SON: variants seen among roughly 807,000 people sequenced by gnomAD.
SON encodes protein SON.
A neutral mutation model predicts 173.3 loss-of-function variants in SON; 4 were observed. That is an observed-to-expected ratio of 0.02 (90% CI 0.01 to 0.05). The LOEUF is 0.05. Ranked by LOEUF, SON falls within the 10% of genes least tolerant of loss-of-function variation. The pLI is 1.00. For synonymous variants in SON, 1,190 were observed against 1,105.9 expected (o/e 1.08, Z -1.51); for missense variants, 2,626 against 3,055.3 (o/e 0.86, Z 3.31).
chr21:33,567,757 A>G (rs2145870159), intron 7 of SON, among the ~76,000 whole-genome samples: 1 of 152,260 alleles, frequency 6.6e-6, no homozygotes, highest in African/African-American at 2.4e-5. Flanking sequence ...TACTAAAAAT[A>G]CAAAAATTAG....
chr21:33,569,523 T>A (rs1029461715), intron 8 of SON: 4 of 387,540 alleles, frequency 1.0e-5, no homozygotes, highest in African/African-American at 6.5e-5. Flanking sequence ...CTCTACCACC[T>A]TAATTTTCCA....
rs1487314985 is a variant in SON, at chr21:33,569,092, A to G, written c.6885+5A>G. 4.0e-6 allele frequency: 6 copies of G among 1,504,814 alleles called. No individual in the cohort carries two copies. Among genetic ancestry groups the G allele is most frequent in the African/African-American group, 1.4e-5 (1 of 72,792 alleles). The allele number at this position is 1,504,814 out of a possible 1,614,324, so 93.2% of individuals were successfully genotyped here. A position where few individuals can be genotyped will look rare whatever the true frequency, so the allele number is the denominator to read the frequency against. ...GCCCAAGCCTGGATTAAAAAGGTAC[A>G]CAGTATATGCACATATGAAAGTGTC... On this transcript the variant is annotated splice_donor_5th_base_variant and intron_variant, in intron 8 of 11. Coordinates refer to ENST00000356577, the MANE Select transcript of SON (RefSeq NM_138927.4).
At position 33,550,239 on chromosome 21, in the gene SON, G is replaced by A. The variant is rs748471391; in HGVS notation, c.1008G>A (p.Ala336=). 9 of 1,614,232 alleles carry A rather than the reference G, an allele frequency of 5.6e-6. No individual in the cohort carries two copies. The highest frequency in any genetic ancestry group is 5.0e-5 in the Admixed American group (3 of 60,022). Residue 336 remains alanine, a synonymous_variant, in exon 3 of 12, where the codon GCG becomes GCA. Coordinates refer to ENST00000356577, the MANE Select transcript of SON (RefSeq NM_138927.4). The stretch of plus-strand genomic sequence containing the variant: ...TTCCAGAGTCATCTGCAATTGAAGC[G>A]CTAAGATTGCCAGAGCAGCCTGTAG... ...MDFPESSAIE[A]LRLPEQPVDV... is the part of the protein sequence containing the mutation.
Position 33,551,211 on chromosome 21 carries a change from A to G in SON, c.1980A>G (p.Thr660=). The part of the protein sequence containing the change: ...ALEISVQSVV[T]TSELSTMTVS... ...AGATCTCTGTTCAGTCTGTGGTGAC[A>G]ACATCGGAGCTGTCAACGATGACCG... The change falls in exon 3 of 12, where the codon ACA becomes ACG. Residue 660 remains threonine (T), a synonymous_variant. Coordinates refer to ENST00000356577, the MANE Select transcript of SON (RefSeq NM_138927.4). 6.2e-7 allele frequency: 1 copy of G among 1,614,072 alleles called. No homozygotes were observed. The highest frequency in any genetic ancestry group is 8.5e-7 in the Non-Finnish European group (1 of 1,179,960).
At chr21:33,561,522 A>G (rs2086070365) in intron 6 of SON, among the ~76,000 whole-genome samples, 1 of 152,220 alleles carries the variant, frequency 6.6e-6, no homozygotes, top group Non-Finnish European at 1.5e-5. Context: ...CAGAATTCCA[A>G]GGGATCTTCC....
chr21:33,556,526 A>G (rs1247726731), intron 3 of SON, among the ~76,000 whole-genome samples: 1 of 152,062 alleles, frequency 6.6e-6, no homozygotes, highest in African/African-American at 2.4e-5. Context: ...CAGCCTGGCC[A>G]ATGTGGAGAA....
intron 8 of SON, chr21:33,572,749 T>A (rs2086311726): frequency 2.4e-6 from 1 of 421,398 alleles, no homozygotes; most frequent in African/African-American, 2.1e-5. Context: ...TTCTATTTGT[T>A]ACTGTGTAAA....
intron 6 of SON, among the ~76,000 whole-genome samples, chr21:33,561,289 A>AAG (rs2086066657): frequency 1.3e-5 from 2 of 152,172 alleles, no homozygotes; most frequent in Non-Finnish European, 2.9e-5. Flanking sequence ...TGCATATCTC[A>AAG]AGAGAGAAAG....
At chr21:33,574,529 G>C (rs1470435153) in intron 9 of SON, among the ~76,000 whole-genome samples, 2 of 152,178 alleles carry the variant, frequency 1.3e-5, no homozygotes, top group Non-Finnish European at 2.9e-5. Context: ...GTAACATACA[G>C]GATGAGCATC....
At chr21:33,555,840 T>C (rs1463755323) in intron 3 of SON, among the ~76,000 whole-genome samples, 1 of 152,212 alleles carries the variant, frequency 6.6e-6, no homozygotes. Flanking sequence ...GACTGTTAAA[T>C]GAAGGTAATT....
intron 6 of SON, chr21:33,560,014 T>C: frequency 6.2e-7 from 1 of 1,614,218 alleles, no homozygotes; most frequent in Non-Finnish European, 8.5e-7. Context: ...AGAACAGTGT[T>C]ATCACATCCC....
intron 3 of SON, among the ~76,000 whole-genome samples, chr21:33,556,675 C>T (rs1011808187): frequency 4.8e-5 from 7 of 145,274 alleles, no homozygotes; most frequent in Admixed American, 3.5e-4. Flanking sequence ...GATGGCGCCA[C>T]TGCACTGCAG....
chr21:33,560,212 G>A, intron 6 of SON: 1 of 1,533,148 alleles, frequency 6.5e-7, no homozygotes, highest in Non-Finnish European at 8.7e-7. Context: ...AAAGGTCATT[G>A]TAGGTTGATG....
At chr21:33,561,844 T>C (rs2086076199) in intron 6 of SON, among the ~76,000 whole-genome samples, 1 of 152,244 alleles carries the variant, frequency 6.6e-6, no homozygotes, top group African/African-American at 2.4e-5. Flanking sequence ...AAATTTTTTT[T>C]CTTACCAAAG....
rs2086176542 is a variant in SON, at chr21:33,566,541, CT to C, written c.6658-614del. On this transcript the variant is annotated intron_variant, in intron 6 of 11. Coordinates refer to ENST00000356577, the MANE Select transcript of SON (RefSeq NM_138927.4). ...TTGTAATTATAAATAGTGTAATATA[CT>C]TAATATAAGTAATAAGTGTGTATAA... is the stretch of plus-strand genomic sequence containing the variant. Among the ~76,000 whole-genome samples the C allele has an allele frequency of 2.4e-5, 3 of 127,552 alleles. No individual in the cohort carries two copies. The South Asian group carries it at 7.5e-4, about 32-fold the overall frequency. The allele number at this position is 127,552 out of a possible 152,430, so 83.7% of individuals were successfully genotyped here.
Position 33,550,073 on chromosome 21 carries a change from G to A in SON, c.842G>A (p.Ser281Asn). 6.2e-7 allele frequency: 1 copy of A among 1,614,108 alleles called. No individual in the cohort carries two copies. Among genetic ancestry groups the A allele is most frequent in the East Asian group, 2.2e-5 (1 of 44,888 alleles). The change falls in exon 3 of 12, where the codon AGC (serine) becomes AAC (asparagine). Residue 281 changes from serine to asparagine, a missense_variant. Transcript: ENST00000356577. ...QMKSVLKSVE[S>N]TSPEPSKIML... ...AAGTCTGTGCTGAAATCTGTGGAGA[G>A]CACATCTCCAGAGCCATCAAAGATC...
chr21:33,559,696 G>A lies in SON; in HGVS notation c.6578G>A (p.Gly2193Glu). 6.2e-7 allele frequency: 1 copy of A among 1,614,034 alleles called. No individual in the cohort carries two copies. Among genetic ancestry groups the A allele is most frequent in the East Asian group, 2.2e-5 (1 of 44,892 alleles). Residue 2193 changes from glycine to glutamate, a missense_variant, in exon 6 of 12, where the codon GGA (glycine) becomes GAA (glutamate). Coordinates refer to ENST00000356577, the MANE Select transcript of SON (RefSeq NM_138927.4). The surrounding 1 kb of genome is among the most constrained non-coding windows in gnomAD (Gnocchi z 4.1). ...AAAAAAGAAGCGGATAGTGTTTATG[G>A]AGAATGGGTTCCTGTGGAGAAAAAT... ...HRKKEADSVY[G>E]EWVPVEKNGE...
In SON at chr21:33,576,805, A is replaced by G; in HGVS notation, c.*381A>G. 2.9e-6 allele frequency: 1 copy of G among 342,954 alleles called. No homozygotes were observed. Among genetic ancestry groups the G allele is most frequent in the Non-Finnish European group, 5.7e-6 (1 of 174,054 alleles). 21.2% of individuals were successfully genotyped at this position (342,954 alleles called of 1,614,324 possible). On this transcript the variant is annotated 3_prime_UTR_variant, in exon 12 of 12. Coordinates refer to ENST00000356577, the MANE Select transcript of SON (RefSeq NM_138927.4). ...TATTTGTTTAAGTGGCTAACATCCA[A>G]ACGACTGTTTGAAGGCATCAGAGTA...
chr21:33,560,992 A>G (rs2086060796), intron 6 of SON: 2 of 152,230 alleles, frequency 1.3e-5, no homozygotes, highest in African/African-American at 4.8e-5. Context: ...AACCCAAATC[A>G]GAAACTTTTT....
Sources: gnomAD v4.1 joint callset for allele counts (sites outside exome capture counted in the v4.1 genomes callset) on GRCh38, gnomAD v4.1.1 for gene constraint, Gnocchi (gnomAD v3.1) non-coding constraint, MANE v1.5 for transcripts, NCBI Gene and HGNC (gene_info 2026-07-23, HGNC 2026-07-21) for gene names.